Variants in RBFOX1 observed in about 807,000 individuals in gnomAD.
RBFOX1 encodes RNA binding protein fox-1 homolog 1.
RBFOX1 carries 8 observed loss-of-function variants against 57.7 expected under a neutral mutation model. The observed-to-expected ratio is 0.14, with a 90% confidence interval of 0.08 to 0.25. The LOEUF is 0.25. RBFOX1 is among the 10% of genes least tolerant of loss of function. The pLI is 1.00. For missense variants in RBFOX1, 611 were observed against 548.5 expected (o/e 1.11, Z -1.14); for synonymous variants, 326 against 222.4 (o/e 1.47, Z -4.15).
At chr16:6,904,843 T>C (rs554790575) in intron 3 of RBFOX1, among the ~76,000 whole-genome samples, 1 of 152,186 alleles carries the variant, frequency 6.6e-6, no homozygotes, top group South Asian at 2.1e-4. Context: ...AGAGAAGAAT[T>C]GTTTTGTTCT....
At chr16:6,780,446 A>AGATATATT (rs1439991453) in intron 3 of RBFOX1, among the ~76,000 whole-genome samples, 2 of 113,476 alleles carry the variant, frequency 1.8e-5, no homozygotes, top group Non-Finnish European at 3.2e-5. Context: ...ATATATTTAT[A>AGATATATT]TATACATTTT....
intron 2 of RBFOX1, among the ~76,000 whole-genome samples, chr16:6,436,897 T>A (rs1216274565): frequency 6.6e-6 from 1 of 152,144 alleles, no homozygotes; most frequent in Non-Finnish European, 1.5e-5. Context: ...ACTGATAACA[T>A]AGGGGGATTT....
rs114960330 is a variant in RBFOX1 at position 6,072,678 on chromosome 16, A to G, written c.-127+52686A>G. Among the ~76,000 whole-genome samples the G allele has an allele frequency of 4.2e-3, 632 of 149,470 alleles. 3 individuals carry two copies. Among genetic ancestry groups the G allele is most frequent in the African/African-American group, 0.015 (611 of 40,478 alleles). ...GGCATTGTAACAGGTATGGGGTGGT[A>G]TTTCATTTTGGTTTTGATTTGCATT... On this transcript the variant is annotated intron_variant, in intron 1 of 15. Coordinates refer to ENST00000550418, the MANE Select transcript of RBFOX1 (RefSeq NM_018723.4).
At chr16:6,962,999 C>T (rs1342623537) in intron 3 of RBFOX1, among the ~76,000 whole-genome samples, 1 of 152,104 alleles carries the variant, frequency 6.6e-6, no homozygotes, top group East Asian at 1.9e-4. Context: ...ATGCTGACTC[C>T]CAGCCAAGAA....
intron 3 of RBFOX1, among the ~76,000 whole-genome samples, chr16:6,824,618 T>A (rs947331057): frequency 6.6e-6 from 1 of 152,196 alleles, no homozygotes; most frequent in East Asian, 1.9e-4. Flanking sequence ...GTCAACAGAT[T>A]ACTCTGAAGA....
intron 4 of RBFOX1, among the ~76,000 whole-genome samples, chr16:7,154,057 A>G (rs1033006998): frequency 3.3e-5 from 5 of 152,190 alleles, no homozygotes; most frequent in African/African-American, 4.8e-5. Flanking sequence ...TTAGCAACAG[A>G]TTTGCTTAAA....
intron 1 of RBFOX1, among the ~76,000 whole-genome samples, chr16:5,320,305 A>G (rs1362304230): frequency 6.6e-6 from 1 of 152,242 alleles, no homozygotes; most frequent in Non-Finnish European, 1.5e-5. Flanking sequence ...GGGTGAGGTC[A>G]TAACTCTAGA....
chr16:5,369,587 C>G (rs1023707072), intron 1 of RBFOX1, among the ~76,000 whole-genome samples: 2 of 152,214 alleles, frequency 1.3e-5, no homozygotes, highest in East Asian at 1.9e-4. Flanking sequence ...GGCATCATGC[C>G]CCACACGCTC....
At chr16:6,283,636 A>C (rs1367063474) in intron 1 of RBFOX1, among the ~76,000 whole-genome samples, 2 of 152,200 alleles carry the variant, frequency 1.3e-5, no homozygotes, top group Non-Finnish European at 2.9e-5. Context: ...ATATTGCACC[A>C]GTTCATCCCT....
chr16:7,305,402 AG>A (rs2096155883), intron 4 of RBFOX1, among the ~76,000 whole-genome samples: 1 of 152,142 alleles, frequency 6.6e-6, no homozygotes, highest in South Asian at 2.1e-4. Context: ...GGGCAGGGGC[AG>A]TGGATGTGAA....
In RBFOX1 at chr16:7,132,235, C is replaced by T. The variant is rs370021022; in HGVS notation, c.27+80137C>T. ...ACTTCGACTGATCTGCCTGTCTCGG[C>T]CTCCCAAAGTGCTGGGATTACAGTC... On this transcript the variant is annotated intron_variant, in intron 4 of 15. Transcript: ENST00000550418. Among the ~76,000 whole-genome samples the T allele has an allele frequency of 3.9e-5, 6 of 152,144 alleles. No homozygotes were observed. The East Asian group carries it at 5.8e-4, about 15-fold the overall frequency.
intron 5 of RBFOX1, among the ~76,000 whole-genome samples, chr16:7,546,023 A>G (rs890013303): frequency 1.4e-5 from 2 of 148,046 alleles, no homozygotes; most frequent in African/African-American, 5.0e-5. Flanking sequence ...ATAAAAAAAA[A>G]AAAAAAAGAA....
intron 3 of RBFOX1, among the ~76,000 whole-genome samples, chr16:6,882,706 A>G (rs897273194): frequency 6.6e-6 from 1 of 152,122 alleles, no homozygotes; most frequent in South Asian, 2.1e-4. Context: ...TCAGTTTGGG[A>G]TATTTGGAGT....
chr16:6,866,216 C>G (rs1443671737), intron 3 of RBFOX1, among the ~76,000 whole-genome samples: 6 of 151,796 alleles, frequency 4.0e-5, no homozygotes, highest in Non-Finnish European at 8.8e-5. Flanking sequence ...ACTTCAGTGT[C>G]TTCTCATCAT....
At chr16:6,073,095 T>C (rs34151263) in intron 1 of RBFOX1, among the ~76,000 whole-genome samples, 76,794 of 152,012 alleles carry the variant, frequency 0.51, 19,600 homozygotes, top group Admixed American at 0.56. Context: ...ATCTAATGAA[T>C]TTCTTTACCA....
rs535504132 is a variant in RBFOX1, at chr16:7,529,910, G to T, written c.270+11521G>T. 1.3e-4 allele frequency among the ~76,000 whole-genome samples: 20 copies of T among 151,468 alleles called. No homozygotes were observed. The South Asian group carries it at 2.9e-3, about 22-fold the overall frequency. ...TGTAATCCCAGCTACTTGGGAGGCG[G>T]AGGCAGGAGAATCACTTGAATGCAG... On this transcript the variant is annotated intron_variant, in intron 5 of 15. Coordinates refer to ENST00000550418, the MANE Select transcript of RBFOX1 (RefSeq NM_018723.4).
intron 1 of RBFOX1, among the ~76,000 whole-genome samples, chr16:6,132,486 G>A (rs1229992794): frequency 1.3e-5 from 2 of 152,118 alleles, no homozygotes; most frequent in Non-Finnish European, 1.5e-5. Context: ...TTCATTTATC[G>A]AAGTCTTGGA....
chr16:7,460,357 A>C (rs1173771431), intron 4 of RBFOX1, among the ~76,000 whole-genome samples: 1 of 141,120 alleles, frequency 7.1e-6, no homozygotes, highest in Non-Finnish European at 1.5e-5. Flanking sequence ...GATTTGCCTT[A>C]ATCATTTAGC....
chr16:6,767,745 C>T (rs1337340466), intron 3 of RBFOX1, among the ~76,000 whole-genome samples: 1 of 151,644 alleles, frequency 6.6e-6, no homozygotes, highest in Non-Finnish European at 1.5e-5. Flanking sequence ...GAAACCCCAT[C>T]TCTACTAAAA....
Sources: allele counts gnomAD v4.1 joint callset (sites outside exome capture counted in the v4.1 genomes callset), GRCh38; gene constraint gnomAD v4.1.1; transcripts MANE v1.5; gene names NCBI Gene and HGNC (gene_info 2026-07-23, HGNC 2026-07-21).